PDGFC: variants seen among roughly 807,000 people sequenced by gnomAD.
PDGFC encodes the protein platelet-derived growth factor C.
In PDGFC, 12 loss-of-function variants were observed where a neutral mutation model predicts 35.5. That is an observed-to-expected ratio of 0.34 (90% CI 0.22 to 0.55). The LOEUF is 0.55. Ranked by LOEUF, PDGFC falls within the 20% of genes least tolerant of loss-of-function variation. PDGFC has a pLI of 0.91. For synonymous variants in PDGFC, 159 were observed against 148.8 expected (o/e 1.07, Z -0.50); for missense variants, 322 against 412.4 (o/e 0.78, Z 1.90).
intron 1 of PDGFC, among the ~76,000 whole-genome samples, chr4:156,921,495 G>A (rs1328582027): frequency 6.6e-6 from 1 of 151,884 alleles, no homozygotes; most frequent in Non-Finnish European, 1.5e-5. Context: ...AGGAGAAGGA[G>A]AAAGGAAAGG....
chr4:156,827,204 T>G (rs1560829359), intron 2 of PDGFC, among the ~76,000 whole-genome samples: 1 of 152,028 alleles, frequency 6.6e-6, no homozygotes, highest in Non-Finnish European at 1.5e-5. Context: ...GAACACGAGG[T>G]CAGGAGATTG....
At chr4:156,890,607 T>C (rs1332095419) in intron 1 of PDGFC, among the ~76,000 whole-genome samples, 2 of 152,178 alleles carry the variant, frequency 1.3e-5, no homozygotes. Flanking sequence ...CCGGGGTTCA[T>C]GCACCCTCTT....
At chr4:156,893,755 C>T (rs527596765) in intron 1 of PDGFC, among the ~76,000 whole-genome samples, 2 of 151,876 alleles carry the variant, frequency 1.3e-5, no homozygotes, top group East Asian at 1.9e-4. Context: ...CAATGACACA[C>T]ACTAAGAAAC....
chr4:156,795,321 C>A (rs1731411364), intron 3 of PDGFC, among the ~76,000 whole-genome samples: 1 of 152,014 alleles, frequency 6.6e-6, no homozygotes, highest in African/African-American at 2.4e-5. Flanking sequence ...GGAAGGAAAG[C>A]CTCATAAAAT....
At chr4:156,938,486 A>T (rs568013662) in intron 1 of PDGFC, among the ~76,000 whole-genome samples, 1 of 152,242 alleles carries the variant, frequency 6.6e-6, no homozygotes, top group African/African-American at 2.4e-5. Flanking sequence ...TGAGGGAAGG[A>T]AATATTCCAT....
At chr4:156,943,604 A>C (rs945406094) in intron 1 of PDGFC, among the ~76,000 whole-genome samples, 7 of 152,060 alleles carry the variant, frequency 4.6e-5, no homozygotes, top group African/African-American at 1.7e-4. Flanking sequence ...CCCTGCATCA[A>C]ACCTTTTTTT....
At chr4:156,957,488 C>T (rs181398222) in intron 1 of PDGFC, among the ~76,000 whole-genome samples, 338 of 152,090 alleles carry the variant, frequency 2.2e-3, no homozygotes, top group African/African-American at 7.8e-3. Flanking sequence ...TTTTCTCTCT[C>T]TCCTTCCTTG....
intron 1 of PDGFC, among the ~76,000 whole-genome samples, chr4:156,876,020 T>C (rs988966416): frequency 2.6e-5 from 4 of 152,154 alleles, no homozygotes; most frequent in African/African-American, 9.7e-5. Flanking sequence ...AAGGAGATTC[T>C]ACCTAAGAAT....
intron 1 of PDGFC, among the ~76,000 whole-genome samples, chr4:156,965,449 A>G (rs1732443204): frequency 6.6e-6 from 1 of 152,150 alleles, no homozygotes; most frequent in Non-Finnish European, 1.5e-5. Flanking sequence ...AATATCAAGG[A>G]GTATTAAGTA....
At chr4:156,943,534 A>C (rs747111573) in intron 1 of PDGFC, among the ~76,000 whole-genome samples, 1 of 152,118 alleles carries the variant, frequency 6.6e-6, no homozygotes, top group South Asian at 2.1e-4. Flanking sequence ...CTATAAGTGC[A>C]CAAAACCTCT....
chr4:156,829,504 C>T (rs28460876), intron 2 of PDGFC, among the ~76,000 whole-genome samples: 9,037 of 152,136 alleles, frequency 0.059, 886 homozygotes, highest in African/African-American at 0.21. Context: ...GTTTATTTTA[C>T]TTTCTTTTTC....
chr4:156,894,867 T>C (rs1730594152), intron 1 of PDGFC, among the ~76,000 whole-genome samples: 1 of 152,212 alleles, frequency 6.6e-6, no homozygotes, highest in South Asian at 2.1e-4. Context: ...TTTGGATCCA[T>C]TCCCACATTC....
At chr4:156,898,374 AAC>A in intron 1 of PDGFC, among the ~76,000 whole-genome samples, 1 of 152,316 alleles carries the variant, frequency 6.6e-6, no homozygotes, top group Non-Finnish European at 1.5e-5. Context: ...AAACAAGTTA[AAC>A]ACACTATTGG....
intron 2 of PDGFC, among the ~76,000 whole-genome samples, chr4:156,832,502 G>A (rs905791390): frequency 2.0e-5 from 3 of 152,120 alleles, no homozygotes; most frequent in South Asian, 2.1e-4. Flanking sequence ...TGATCCACCC[G>A]CCTCTGCCTC....
At chr4:156,784,089 T>C (rs1469839976) in intron 3 of PDGFC, among the ~76,000 whole-genome samples, 1 of 152,176 alleles carries the variant, frequency 6.6e-6, no homozygotes, top group Non-Finnish European at 1.5e-5. Flanking sequence ...AGCAGACAAC[T>C]GCAAACATTT....
At chr4:156,826,357 C>T (rs1732479727) in intron 2 of PDGFC, among the ~76,000 whole-genome samples, 1 of 151,512 alleles carries the variant, frequency 6.6e-6, no homozygotes, top group Non-Finnish European at 1.5e-5. Context: ...CACCTGCCAC[C>T]TCGCCCAACT....
At chr4:156,877,753 T>C (rs531839139) in intron 1 of PDGFC, among the ~76,000 whole-genome samples, 12 of 152,110 alleles carry the variant, frequency 7.9e-5, no homozygotes, top group Non-Finnish European at 1.8e-4. Context: ...AAATAAAATA[T>C]ACTTCCTCTT....
intron 1 of PDGFC, among the ~76,000 whole-genome samples, chr4:156,851,558 G>A (rs1729453038): frequency 2.0e-5 from 3 of 152,002 alleles, no homozygotes; most frequent in Non-Finnish European, 4.4e-5. Context: ...ATAATGAGAC[G>A]AAACCCACAA....
At chr4:156,936,220 T>A (rs1047028067) in intron 1 of PDGFC, among the ~76,000 whole-genome samples, 1 of 152,194 alleles carries the variant, frequency 6.6e-6, no homozygotes, top group Non-Finnish European at 1.5e-5. Flanking sequence ...TTTCAAAAAG[T>A]ATCTTTCTTC....
Sources: gnomAD v4.1 joint callset for allele counts (sites outside exome capture counted in the v4.1 genomes callset) on GRCh38, gnomAD v4.1.1 for gene constraint, MANE v1.5 for transcripts, NCBI Gene and HGNC (gene_info 2026-07-23, HGNC 2026-07-21) for gene names.